The following SARS2 variants were observed in gnomAD, a reference collection of about 807,000 sequenced individuals.
The protein encoded by SARS2 is seryl-tRNA synthetase 2, mitochondrial.
In SARS2, 52 loss-of-function variants were observed where a neutral mutation model predicts 66.8. The ratio of observed to expected loss-of-function variants is 0.78; its 90% CI spans 0.62 to 0.98. The LOEUF is 0.98. Among genes scored for constraint, SARS2 ranks in the 50% least tolerant of loss-of-function variants. The pLI is 0.00. For synonymous variants in SARS2, 306 were observed against 281.4 expected (o/e 1.09, Z -0.87); for missense variants, 673 against 706.3 (o/e 0.95, Z 0.53).
intron 3 of SARS2, 196 bp downstream of exon 3, chr19:38,922,042 G>A: frequency 3.2e-6 from 5 of 1,556,850 alleles, no homozygotes; most frequent in Non-Finnish European, 3.5e-6. Flanking sequence ...AGGAACGTAG[G>A]ACCAAATATG....
chr19:38,922,109 A>G (rs767359582), intron 3 of SARS2, 129 bp downstream of exon 3: 1 of 1,599,416 alleles, frequency 6.3e-7, no homozygotes, highest in Non-Finnish European at 8.5e-7. Context: ...ATGCATCAAT[A>G]GAGCCTATTT....
At chr19:38,926,592 C>T (rs1386884903) in intron 1 of SARS2, among the ~76,000 whole-genome samples, 1 of 152,152 alleles carries the variant, frequency 6.6e-6, no homozygotes, top group Non-Finnish European at 1.5e-5. Context: ...TCAAGACCAG[C>T]CTGGTCAACA....
At chr19:38,929,858 C>G (rs1974699363) in intron 1 of SARS2, among the ~76,000 whole-genome samples, 1 of 152,190 alleles carries the variant, frequency 6.6e-6, no homozygotes. Context: ...ATATTGTGAA[C>G]CCGGTCCTAA....
At chr19:38,928,864 C>T (rs1210789527) in intron 1 of SARS2, among the ~76,000 whole-genome samples, 1 of 152,148 alleles carries the variant, frequency 6.6e-6, no homozygotes, top group Non-Finnish European at 1.5e-5. Flanking sequence ...AATTTGATTA[C>T]TCTAGGTAGT....
chr19:38,921,439 C>G lies in SARS2; in HGVS notation c.542G>C (p.Gly181Ala). Residue 181 changes from glycine to alanine, a missense_variant, in exon 5 of 16, where the codon GGG becomes GCG. Coordinates refer to ENST00000221431, the MANE Select transcript of SARS2 (RefSeq NM_017827.4). ...PNQTHPDVPV[G>A]DESQARVLHM... The stretch of plus-strand genomic sequence containing the variant: ...GAGCACTCGAGCCTGGCTCTCATCC[C>G]CGACGGGCTGCAGGGAGACAGCAGG... The G allele has an allele frequency of 6.2e-7, 1 of 1,614,056 alleles. No individual in the cohort carries two copies. Among genetic ancestry groups the G allele is most frequent in the Non-Finnish European group, 8.5e-7 (1 of 1,180,022 alleles).
At position 38,922,088 on chromosome 19, in the gene SARS2, G is replaced by A. The variant is rs374176430; in HGVS notation, c.393+150C>T. 6.5e-5 allele frequency: 104 copies of A among 1,599,290 alleles called. 1 individual carries two copies. In the African/African-American group the frequency reaches 1.2e-3, roughly 18 times the overall value. Reference sequence around the variant, plus strand: ...CTGGATCCAGCCGCACCTGAAGCCAGTTTTAGTTTCATGCATCAATAGAGC... The same window carrying A: ...CTGGATCCAGCCGCACCTGAAGCCAATTTTAGTTTCATGCATCAATAGAGC... On this transcript the variant is annotated intron_variant, in intron 3 of 15. Transcript: ENST00000221431.
At chr19:38,916,169 G>A (rs1178427303) in intron 13 of SARS2, 40 bp from the exon 14 acceptor site, 1 of 1,612,984 alleles carries the variant, frequency 6.2e-7, no homozygotes, top group African/African-American at 1.3e-5. Context: ...ATCAGGGATG[G>A]GGGGCAGGCC....
In SARS2 at chr19:38,926,293, G is replaced by A; in HGVS notation, c.275C>T (p.Thr92Ile). The A allele has an allele frequency of 6.2e-7, 1 of 1,603,908 alleles. No individual in the cohort carries two copies. Among genetic ancestry groups the A allele is most frequent in the Non-Finnish European group, 8.5e-7 (1 of 1,179,896 alleles). The change falls in exon 2 of 16, where the codon ACA (threonine) becomes ATA (isoleucine). Residue 92 changes from threonine to isoleucine, a missense_variant. Physicochemically the swap from Thr to Ile is moderately conservative, Grantham distance 89. Coordinates refer to ENST00000221431, the MANE Select transcript of SARS2 (RefSeq NM_017827.4). Reference protein sequence around the residue: ...RSADLPAIISTWQELRQLQEQ... With the variant: ...RSADLPAIISIWQELRQLQEQ... ...CTGCAGCTGCCTCAGCTCCTGCCAT[G>A]TCGAGATCTGGGGTGGATATAAGAG...
At chr19:38,920,626 T>C (rs940665357) in intron 5 of SARS2, among the ~76,000 whole-genome samples, 1 of 146,166 alleles carries the variant, frequency 6.8e-6, no homozygotes, top group Non-Finnish European at 1.5e-5. Flanking sequence ...CACACACACA[T>C]ATACAGACAC....
In SARS2 at chr19:38,915,270, T is replaced by A. The variant is rs1032352396; in HGVS notation, c.*336A>T. The A allele has an allele frequency of 7.9e-6, 4 of 503,520 alleles. No homozygotes were observed. Among genetic ancestry groups the A allele is most frequent in the African/African-American group, 7.7e-5 (4 of 52,188 alleles). The allele number at this position is 503,520 out of a possible 1,614,324, so 31.2% of individuals were successfully genotyped here. On this transcript the variant is annotated 3_prime_UTR_variant, in exon 16 of 16. Coordinates refer to ENST00000221431, the MANE Select transcript of SARS2 (RefSeq NM_017827.4). ...GTTCACAGATCCACAGAGGCCTTTG[T>A]CCTGACCATTTATTGGGGACTTTTT...
chr19:38,922,750 A>G (rs1974560674), intron 2 of SARS2, among the ~76,000 whole-genome samples: 1 of 152,138 alleles, frequency 6.6e-6, no homozygotes, highest in Non-Finnish European at 1.5e-5. Context: ...AGCATTTGGC[A>G]GTTACCCCCT....
At chr19:38,929,932 C>T (rs1974701316) in intron 1 of SARS2, 1 of 153,388 alleles carries the variant, frequency 6.5e-6, no homozygotes, top group South Asian at 2.0e-4. Context: ...ATCTAGAACA[C>T]CGGAATATAG....
In SARS2 at chr19:38,919,840, C is replaced by T. The variant is rs1386024410; in HGVS notation, c.681G>A (p.Arg227=). ...CTCCAGCCCCGCGCAGGTAATAGGA[C>T]CGGTGGCCAGACACGTGGGACAGGC... ...QKRLSHVSGH[R]SYYLRGAGAL... is the part of the protein sequence containing the mutation. Residue 227 remains arginine, a synonymous_variant, in exon 7 of 16, where the codon CGG becomes CGA. Coordinates refer to ENST00000221431, the MANE Select transcript of SARS2 (RefSeq NM_017827.4). The T allele has an allele frequency of 1.2e-6, 2 of 1,614,140 alleles. No individual in the cohort carries two copies. The highest frequency in any genetic ancestry group is 1.1e-5 in the South Asian group (1 of 91,084).
chr19:38,917,869 G>A, intron 11 of SARS2, 36 bp from the exon 12 acceptor site: 4 of 1,613,070 alleles, frequency 2.5e-6, no homozygotes, highest in Non-Finnish European at 3.4e-6. Flanking sequence ...GAGGCTCTGA[G>A]CTCTTGGGGT....
Position 38,920,082 on chromosome 19 carries a change from TCA to T in SARS2, c.653+2_653+3del, listed in dbSNP as rs1301293924. ...GGGCGTGGGGAGCCAGGGGAGGGGC[TCA>T]CTTCTGACGGATGATGTCGAGTTTC... On this transcript the variant is annotated splice_donor_variant and splice_donor_region_variant and intron_variant, in intron 6 of 15. Transcript: ENST00000221431. LOFTEE classifies it high-confidence loss of function. 1.3e-6 allele frequency: 2 copies of T among 1,558,922 alleles called. No individual in the cohort carries two copies. Among genetic ancestry groups the T allele is most frequent in the South Asian group, 2.4e-5 (2 of 84,548 alleles).
intron 1 of SARS2, among the ~76,000 whole-genome samples, chr19:38,927,205 T>C (rs1974642831): frequency 6.6e-6 from 1 of 152,080 alleles, no homozygotes; most frequent in Admixed American, 6.6e-5. Flanking sequence ...CCCAAAGTGC[T>C]GGGATTGCAG....
At chr19:38,920,029 G>T in intron 6 of SARS2, 57 bp downstream of exon 6, 1 of 1,482,194 alleles carries the variant, frequency 6.7e-7, no homozygotes, top group Non-Finnish European at 9.2e-7. Flanking sequence ...GCAGGAGCCA[G>T]CTGTCGGGGT....
In SARS2 at chr19:38,918,541, A is replaced by C. The variant is rs763968347; in HGVS notation, c.808-11T>G. 3 of 1,599,254 alleles carry C rather than the reference A, an allele frequency of 1.9e-6. No homozygotes were observed. Among genetic ancestry groups the C allele is most frequent in the South Asian group, 1.1e-5 (1 of 90,760 alleles). On this transcript the variant is annotated splice_polypyrimidine_tract_variant and intron_variant, in intron 8 of 15. Coordinates refer to ENST00000221431, the MANE Select transcript of SARS2 (RefSeq NM_017827.4). ...CATCCCACAGCCTTCCTGGGGGAGG[A>C]GGCCAGGCCACAGGGATCAGGGGAC...
chr19:38,918,275 C>T, intron 9 of SARS2, 136 bp from the exon 10 acceptor site: 3 of 1,157,488 alleles, frequency 2.6e-6, no homozygotes, highest in Non-Finnish European at 3.8e-6. Context: ...TACTGCTGTA[C>T]AGTAAACAAC....
Sources: gnomAD v4.1 joint callset for allele counts (sites outside exome capture counted in the v4.1 genomes callset) on GRCh38, gnomAD v4.1.1 for gene constraint, MANE v1.5 for transcripts, NCBI Gene and HGNC (gene_info 2026-07-23, HGNC 2026-07-21) for gene names.